Variants in ROR2 observed in about 807,000 individuals in gnomAD.
ROR2 encodes the protein tyrosine-protein kinase transmembrane receptor ROR2.
In ROR2, 33 loss-of-function variants were observed where a neutral mutation model predicts 74.9. The observed-to-expected ratio is 0.44, with a 90% CI of 0.33 to 0.59. The LOEUF (loss-of-function observed/expected upper bound fraction) is 0.59. Among genes scored for constraint, ROR2 ranks in the 20% least tolerant of loss-of-function variants. The pLI is 0.02. For synonymous variants in ROR2, 586 were observed against 558.7 expected, an observed-to-expected ratio of 1.05 and a Z score of -0.69; for missense variants, 1,216 against 1,313.8, an observed-to-expected ratio of 0.93 and a Z score of 1.15.
intron 6 of ROR2, among the ~76,000 whole-genome samples, chr9:91,732,076 C>T (rs555288193): frequency 2.0e-5 from 3 of 152,254 alleles, no homozygotes; most frequent in Non-Finnish European, 2.9e-5. Flanking sequence ...ATGCAGGCAA[C>T]GGGCCCAAGG....
chr9:91,850,577 C>T (rs1415866089), intron 1 of ROR2, among the ~76,000 whole-genome samples: 1 of 152,116 alleles, frequency 6.6e-6, no homozygotes, highest in Non-Finnish European at 1.5e-5. Flanking sequence ...CCAGAGAAGG[C>T]CAGGAAATGG....
Position 91,905,092 on chromosome 9 carries a change from C to T in ROR2, c.97+44775G>A, listed in dbSNP as rs1830780185. On this transcript the variant is annotated intron_variant, in intron 1 of 8. Coordinates refer to ENST00000375708, the MANE Select transcript of ROR2 (RefSeq NM_004560.4). This position sits in a 1 kb window ranked among gnomAD's most constrained non-coding sequence, Gnocchi z 5.3. ...CAACATATACCACACACAGCACATA[C>T]ACAAAACTCATACACCACAAACCAC... 6.6e-6 allele frequency among the ~76,000 whole-genome samples: 1 copy of T among 151,738 alleles called. No individual in the cohort carries two copies.
chr9:91,746,860 GTGTGT>G (rs1825437852), intron 4 of ROR2, among the ~76,000 whole-genome samples: 1 of 14,524 alleles, frequency 6.9e-5, no homozygotes, highest in Non-Finnish European at 1.4e-4. Context: ...TTGAGCAGGT[GTGTGT>G]GTGTGTGTGT....
At chr9:91,819,593 CTGTG>C (rs1231337647) in intron 1 of ROR2, among the ~76,000 whole-genome samples, 1 of 150,616 alleles carries the variant, frequency 6.6e-6, no homozygotes, top group African/African-American at 2.4e-5. Flanking sequence ...TCTGAGTGTT[CTGTG>C]TGTCTGTGTT....
intron 1 of ROR2, among the ~76,000 whole-genome samples, chr9:91,838,621 C>T (rs1285479975): frequency 1.3e-5 from 2 of 152,166 alleles, no homozygotes; most frequent in African/African-American, 2.4e-5. Context: ...TCACCAGGCT[C>T]GCAGGCAGCC....
chr9:91,860,807 G>A (rs1829447674), intron 1 of ROR2, among the ~76,000 whole-genome samples: 4 of 152,098 alleles, frequency 2.6e-5, no homozygotes, highest in South Asian at 2.1e-4. Context: ...CAACTCCCAC[G>A]CCAGTCTCCT....
At chr9:91,788,576 A>G (rs1826871283) in intron 1 of ROR2, among the ~76,000 whole-genome samples, 1 of 152,140 alleles carries the variant, frequency 6.6e-6, no homozygotes, top group South Asian at 2.1e-4. Context: ...CAAGAATTCA[A>G]TATGCAGGCC....
chr9:91,876,478 A>G (rs543963970), intron 1 of ROR2, among the ~76,000 whole-genome samples: 7 of 152,320 alleles, frequency 4.6e-5, no homozygotes, highest in African/African-American at 1.4e-4. Context: ...TGTGAAGTGA[A>G]GTTCACCATC....
chr9:91,723,954 G>C lies in ROR2; in HGVS notation c.2540C>G (p.Ala847Gly). Residue 847 changes from alanine to glycine, a missense_variant, in exon 9 of 9, where the codon GCC (alanine) becomes GGC (glycine). Coordinates refer to ENST00000375708, the MANE Select transcript of ROR2 (RefSeq NM_004560.4). ...FYPVQIPMQM[A>G]PQQVPPQMVP... Reference sequence around the variant, plus strand: ...CATCTGAGGAGGCACCTGCTGCGGGGCCATCTGCATTGGGATCTGCACCGG... The same window carrying C: ...CATCTGAGGAGGCACCTGCTGCGGGCCCATCTGCATTGGGATCTGCACCGG... The C allele has an allele frequency of 6.2e-7, 1 of 1,613,352 alleles. No homozygotes were observed. Among genetic ancestry groups the C allele is most frequent in the Non-Finnish European group, 8.5e-7 (1 of 1,180,028 alleles).
chr9:91,929,994 C>A (rs1412152156), intron 1 of ROR2, among the ~76,000 whole-genome samples: 2 of 152,040 alleles, frequency 1.3e-5, no homozygotes, highest in African/African-American at 4.8e-5. Context: ...GGCTGCTCAA[C>A]CCCTACTGCA....
chr9:91,780,063 C>T (rs552258897), intron 1 of ROR2, among the ~76,000 whole-genome samples: 1 of 152,290 alleles, frequency 6.6e-6, no homozygotes, highest in South Asian at 2.1e-4. Context: ...ATCAGGCCTG[C>T]AATAGCTGGA....
intron 1 of ROR2, among the ~76,000 whole-genome samples, chr9:91,777,599 T>C (rs1826463774): frequency 6.6e-6 from 1 of 152,078 alleles, no homozygotes; most frequent in African/African-American, 2.4e-5. Flanking sequence ...TGGTTTTCAG[T>C]ACATTCTCAA....
intron 1 of ROR2, among the ~76,000 whole-genome samples, chr9:91,873,402 A>G (rs1829863534): frequency 9.5e-6 from 1 of 105,500 alleles, no homozygotes; most frequent in Admixed American, 9.7e-5. Context: ...AGCCTGGCCA[A>G]CAGGGTAAAA....
At chr9:91,844,578 T>G (rs1828870545) in intron 1 of ROR2, among the ~76,000 whole-genome samples, 1 of 152,176 alleles carries the variant, frequency 6.6e-6, no homozygotes, top group African/African-American at 2.4e-5. Flanking sequence ...CTGTACGATA[T>G]TCTTAGTTTT....
At chr9:91,928,012 C>T (rs1831455686) in intron 1 of ROR2, among the ~76,000 whole-genome samples, 1 of 152,160 alleles carries the variant, frequency 6.6e-6, no homozygotes, top group African/African-American at 2.4e-5. Flanking sequence ...ATCCTAGAGA[C>T]AGCAAAGGGC....
chr9:91,724,277 G>A lies in ROR2; in HGVS notation c.2217C>T (p.Phe739=), dbSNP rs769260259. Residue 739 remains phenylalanine (F), a synonymous_variant, in exon 9 of 9, where the codon TTC becomes TTT. Transcript: ENST00000375708. ...CTCGGAGCCGGCTGTGGATGTCCTT[G>A]AAGCGGGGCCGCCGGCTGGGGAACT... ...WNEFPSRRPR[F]KDIHSRLRAW... The A allele has an allele frequency of 1.8e-5, 29 of 1,613,382 alleles. No homozygotes were observed. Among genetic ancestry groups the A allele is most frequent in the Non-Finnish European group, 2.3e-5 (27 of 1,180,006 alleles).
At chr9:91,843,207 G>A (rs1828835562) in intron 1 of ROR2, among the ~76,000 whole-genome samples, 1 of 152,172 alleles carries the variant, frequency 6.6e-6, no homozygotes, top group South Asian at 2.1e-4. Context: ...AGACCCTGAA[G>A]ACACGTACAG....
intron 1 of ROR2, among the ~76,000 whole-genome samples, chr9:91,912,222 A>T (rs866025151): frequency 4.6e-5 from 7 of 152,318 alleles, no homozygotes; most frequent in Admixed American, 1.3e-4. Flanking sequence ...TTTTCATAAA[A>T]TGTATCAATT....
At chr9:91,819,139 T>C (rs1828046059) in intron 1 of ROR2, among the ~76,000 whole-genome samples, 1 of 152,108 alleles carries the variant, frequency 6.6e-6, no homozygotes, top group South Asian at 2.1e-4. Context: ...AGATGAGCCC[T>C]GGTGAATGAT....
Sources: gnomAD v4.1 joint callset for allele counts (sites outside exome capture counted in the v4.1 genomes callset) on GRCh38, gnomAD v4.1.1 for gene constraint, Gnocchi (gnomAD v3.1) non-coding constraint, MANE v1.5 for transcripts, NCBI Gene and HGNC (gene_info 2026-07-23, HGNC 2026-07-21) for gene names.